PDSS2: variants seen among roughly 807,000 people sequenced by gnomAD.
The protein encoded by PDSS2 is all trans-polyprenyl-diphosphate synthase PDSS2.
PDSS2 carries 31 observed loss-of-function variants against 44.5 expected under a neutral mutation model. The ratio of observed to expected loss-of-function variants is 0.70; its 90% CI spans 0.52 to 0.94. PDSS2 has a LOEUF of 0.94. Among genes scored for constraint, PDSS2 ranks in the 40% least tolerant of loss-of-function variants. The pLI is 0.00. For missense variants in PDSS2, 452 were observed against 482.2 expected (o/e 0.94, Z 0.59); for synonymous variants, 157 against 180.3 (o/e 0.87, Z 1.03).
intron 1 of PDSS2, among the ~76,000 whole-genome samples, chr6:107,342,788 T>C (rs1159563841): frequency 6.6e-6 from 1 of 152,116 alleles, no homozygotes; most frequent in East Asian, 1.9e-4. Context: ...CAATCCAAAT[T>C]ACAATCTTTT....
At chr6:107,175,077 T>G (rs1238228274) in intron 7 of PDSS2, among the ~76,000 whole-genome samples, 1 of 152,074 alleles carries the variant, frequency 6.6e-6, no homozygotes. Context: ...CCAGGCATGC[T>G]GGCACACGCC....
intron 1 of PDSS2, among the ~76,000 whole-genome samples, chr6:107,445,121 T>A (rs1459523873): frequency 6.6e-6 from 1 of 151,892 alleles, no homozygotes; most frequent in Non-Finnish European, 1.5e-5. Context: ...AGTACTTAAA[T>A]TTTAGTGATT....
At chr6:107,261,185 C>A (rs1775209799) in intron 3 of PDSS2, among the ~76,000 whole-genome samples, 1 of 152,220 alleles carries the variant, frequency 6.6e-6, no homozygotes, top group Non-Finnish European at 1.5e-5. Context: ...CCTTTCTTCA[C>A]TCCAGCAGGC....
chr6:107,254,608 C>A (rs906404507), intron 3 of PDSS2, among the ~76,000 whole-genome samples: 2 of 152,182 alleles, frequency 1.3e-5, no homozygotes, highest in Non-Finnish European at 2.9e-5. Flanking sequence ...ATACCATTCT[C>A]AGTATGTTCT....
intron 4 of PDSS2, 40 bp downstream of exon 4, chr6:107,245,508 G>A (rs368439846): frequency 5.5e-6 from 6 of 1,090,126 alleles, no homozygotes; most frequent in Middle Eastern, 2.2e-4. Flanking sequence ...GTACCACGAC[G>A]GTTTATAACA....
intron 1 of PDSS2, among the ~76,000 whole-genome samples, chr6:107,451,882 G>C (rs1048838791): frequency 2.6e-5 from 4 of 152,172 alleles, no homozygotes; most frequent in African/African-American, 9.7e-5. Context: ...TCAGGGCCTG[G>C]TGTTGGGCCC....
At chr6:107,319,059 T>C (rs758099674) in intron 2 of PDSS2, among the ~76,000 whole-genome samples, 1 of 151,656 alleles carries the variant, frequency 6.6e-6, no homozygotes, top group Non-Finnish European at 1.5e-5. Flanking sequence ...ACACACTCAG[T>C]ATCTGATTAT....
chr6:107,220,529 G>T (rs892896092), intron 4 of PDSS2, among the ~76,000 whole-genome samples: 1 of 151,880 alleles, frequency 6.6e-6, no homozygotes, highest in African/African-American at 2.4e-5. Flanking sequence ...TATAGATACA[G>T]ATATCTATAT....
intron 1 of PDSS2, among the ~76,000 whole-genome samples, chr6:107,398,284 C>T (rs1780007832): frequency 6.6e-6 from 1 of 152,168 alleles, no homozygotes; most frequent in Non-Finnish European, 1.5e-5. Flanking sequence ...TCCTATTAAA[C>T]CAGACAGTAA....
intron 4 of PDSS2, among the ~76,000 whole-genome samples, chr6:107,233,254 C>CAATTTTACAT (rs1031472320): frequency 6.6e-6 from 1 of 152,174 alleles, no homozygotes; most frequent in African/African-American, 2.4e-5. Context: ...CTGTTCCTTA[C>CAATTTTACAT]AATTTTACAT....
chr6:107,297,369 TG>T (rs1396629546), intron 2 of PDSS2, among the ~76,000 whole-genome samples: 3 of 151,886 alleles, frequency 2.0e-5, no homozygotes, highest in African/African-American at 4.8e-5. Context: ...ACAGTATTTT[TG>T]GAGGTGGGAG....
intron 3 of PDSS2, among the ~76,000 whole-genome samples, chr6:107,260,658 A>ATTTTT (rs540553793): frequency 7.5e-5 from 7 of 93,416 alleles, no homozygotes; most frequent in African/African-American, 2.4e-4. Context: ...TTCCCCCTTC[A>ATTTTT]TTTTTTTTTT....
chr6:107,180,618 G>A (rs983452360), intron 7 of PDSS2, among the ~76,000 whole-genome samples: 9 of 152,132 alleles, frequency 5.9e-5, no homozygotes, highest in African/African-American at 2.2e-4. Context: ...GCAATGGTGA[G>A]CAAACTCAAG....
intron 4 of PDSS2, among the ~76,000 whole-genome samples, chr6:107,238,967 G>A (rs889075401): frequency 3.3e-5 from 5 of 151,868 alleles, no homozygotes; most frequent in African/African-American, 1.2e-4. Flanking sequence ...TCACAATATT[G>A]TTTAATTTAG....
chr6:107,397,180 A>ATT (rs10534330), intron 1 of PDSS2, among the ~76,000 whole-genome samples: 3 of 147,720 alleles, frequency 2.0e-5, no homozygotes, highest in African/African-American at 5.0e-5. Flanking sequence ...GGGTCCTGAG[A>ATT]TTTTTTTTTT....
At position 107,292,716 on chromosome 6, in the gene PDSS2, A is replaced by G. The variant is rs868358445; in HGVS notation, c.432-18489T>C. Among the ~76,000 whole-genome samples the G allele has an allele frequency of 5.9e-5, 9 of 152,322 alleles. No homozygotes were observed. The South Asian group carries it at 1.9e-3, about 32-fold the overall frequency. ...GCTGTTTTGAATAACTGAGACATAC[A>G]CTTGATACTGTCAACACATAATTAT... On this transcript the variant is annotated intron_variant, in intron 2 of 7. Transcript: ENST00000369037.
At chr6:107,197,096 C>T (rs1772588885) in intron 6 of PDSS2, among the ~76,000 whole-genome samples, 1 of 152,126 alleles carries the variant, frequency 6.6e-6, no homozygotes, top group Non-Finnish European at 1.5e-5. Flanking sequence ...CCAAAATTCA[C>T]ATAGCTGTGA....
At chr6:107,354,391 A>C (rs1213977319) in intron 1 of PDSS2, among the ~76,000 whole-genome samples, 1 of 152,274 alleles carries the variant, frequency 6.6e-6, no homozygotes, top group Non-Finnish European at 1.5e-5. Context: ...AAATGATAGG[A>C]TATAAAGCAA....
At chr6:107,290,803 C>T (rs374678952) in intron 2 of PDSS2, among the ~76,000 whole-genome samples, 6 of 152,270 alleles carry the variant, frequency 3.9e-5, no homozygotes, top group East Asian at 1.9e-4. Flanking sequence ...TCAGCATTCT[C>T]GATCCCTACT....
Sources: allele counts gnomAD v4.1 joint callset (sites outside exome capture counted in the v4.1 genomes callset), GRCh38; gene constraint gnomAD v4.1.1; transcripts MANE v1.5; gene names NCBI Gene and HGNC (gene_info 2026-07-23, HGNC 2026-07-21).